Variants in BBS5 observed in about 807,000 individuals in gnomAD.
BBS5 encodes Bardet-Biedl syndrome 5.
Under a neutral mutation model 50.2 loss-of-function variants are expected in BBS5, and 39 were observed. That is an observed-to-expected ratio of 0.78 (90% CI 0.60 to 1.01). BBS5 has a LOEUF of 1.01. Ranked by LOEUF, BBS5 falls within the 50% of genes least tolerant of loss-of-function variation. BBS5 has a pLI of 0.00. For synonymous variants in BBS5, 134 were observed against 133.1 expected (o/e 1.01, Z -0.05); for missense variants, 356 against 401.5 (o/e 0.89, Z 0.97).
intron 5 of BBS5, among the ~76,000 whole-genome samples, chr2:169,489,597 C>T (rs921359180): frequency 2.0e-5 from 3 of 151,208 alleles, no homozygotes; most frequent in African/African-American, 7.3e-5. Context: ...TGAGCCACTT[C>T]ACCCAGGCTG....
intron 8 of BBS5, 80 bp from the exon 9 acceptor site, chr2:169,499,406 T>C: frequency 7.1e-7 from 1 of 1,401,982 alleles, no homozygotes; most frequent in Non-Finnish European, 9.9e-7. Flanking sequence ...TAAGGACAAA[T>C]TGAGCTATAA....
intron 7 of BBS5, among the ~76,000 whole-genome samples, chr2:169,495,154 C>G (rs945769062): frequency 6.6e-6 from 1 of 152,138 alleles, no homozygotes; most frequent in African/African-American, 2.4e-5. Flanking sequence ...ACATATTAAA[C>G]AGAAAGCCAT....
intron 5 of BBS5, among the ~76,000 whole-genome samples, chr2:169,491,232 T>C (rs1683596971): frequency 6.6e-6 from 1 of 152,222 alleles, no homozygotes; most frequent in Non-Finnish European, 1.5e-5. Context: ...TGAAAAGTTC[T>C]AAATGGAATA....
chr2:169,497,515 T>C (rs1683714032), intron 7 of BBS5, 112 bp from the exon 8 acceptor site: 1 of 680,554 alleles, frequency 1.5e-6, no homozygotes. Flanking sequence ...GGGAGAATTC[T>C]GTTCTTTAGA....
chr2:169,504,281 T>C (rs763537983), intron 10 of BBS5, 22 bp from the exon 11 acceptor site: 9 of 1,609,934 alleles, frequency 5.6e-6, no homozygotes, highest in Admixed American at 5.0e-5. Context: ...GTTTGTGAAA[T>C]AGAATTTTCT....
At chr2:169,481,624 T>TG (rs1491356178) in intron 1 of BBS5, among the ~76,000 whole-genome samples, 2 of 15,816 alleles carry the variant, frequency 1.3e-4, no homozygotes, top group Non-Finnish European at 5.6e-4. Context: ...TTTTGCTAGG[T>TG]TTTTTTTTTT....
At chr2:169,482,929 A>G (rs1037667814) in intron 2 of BBS5, among the ~76,000 whole-genome samples, 2 of 152,214 alleles carry the variant, frequency 1.3e-5, no homozygotes, top group Admixed American at 6.5e-5. Flanking sequence ...GGCTGCCCAT[A>G]GCAGCTATCT....
intron 2 of BBS5, among the ~76,000 whole-genome samples, chr2:169,485,926 T>G (rs1403588164): frequency 1.3e-5 from 2 of 152,242 alleles, no homozygotes; most frequent in Admixed American, 1.3e-4. Flanking sequence ...CATGAACTGC[T>G]GCTCCCTCTT....
At position 169,492,988 on chromosome 2, in the gene BBS5, T is replaced by C. The variant is rs75690869; in HGVS notation, c.501T>C (p.Val167=). Reference sequence around the variant, plus strand: ...ATGTATATGATAAAATAAATGGAGTTTGGAATTTATCCAGTGATCAGGTAT... The same window carrying C: ...ATGTATATGATAAAATAAATGGAGTCTGGAATTTATCCAGTGATCAGGTAT... ...QEHVYDKING[V]WNLSSDQGNL... Residue 167 remains valine (V), a synonymous_variant, in exon 6 of 12, where the codon GTT becomes GTC. Transcript: ENST00000295240. The C allele has an allele frequency of 1.2e-6, 2 of 1,613,582 alleles. No individual in the cohort carries two copies. Among genetic ancestry groups the C allele is most frequent in the Non-Finnish European group, 1.7e-6 (2 of 1,179,826 alleles).
chr2:169,483,044 G>A (rs1297339614), intron 2 of BBS5, among the ~76,000 whole-genome samples: 3 of 152,216 alleles, frequency 2.0e-5, no homozygotes, highest in Non-Finnish European at 2.9e-5. Flanking sequence ...TTTAGTGGGA[G>A]AAGAAGTTTA....
chr2:169,488,013 C>T lies in BBS5; in HGVS notation c.285C>T (p.Leu95=), dbSNP rs6752540. ...NSKLRGQTEA[L]YILTKCNSTR... ...AATTACGAGGCCAAACTGAAGCTCTCTATATACTAACAAAATGTAACAGTA... is the reference window on the plus strand; with the variant it reads ...AATTACGAGGCCAAACTGAAGCTCTTTATATACTAACAAAATGTAACAGTA... The change falls in exon 5 of 12, where the codon CTC becomes CTT. Residue 95 remains leucine (L), a synonymous_variant. Coordinates refer to ENST00000295240, the MANE Select transcript of BBS5 (RefSeq NM_152384.3). 2,732 of 1,613,752 alleles carry T rather than the reference C, an allele frequency of 1.7e-3. 58 individuals carry two copies. In the African/African-American group the frequency reaches 0.032, roughly 19 times the overall value.
At chr2:169,499,887 G>A (rs892626303) in intron 9 of BBS5, among the ~76,000 whole-genome samples, 4 of 152,156 alleles carry the variant, frequency 2.6e-5, no homozygotes, top group Non-Finnish European at 4.4e-5. Flanking sequence ...CATGTGCAGT[G>A]CTCCTCTGAT....
At chr2:169,498,739 G>A (rs989013770) in intron 8 of BBS5, among the ~76,000 whole-genome samples, 11 of 151,454 alleles carry the variant, frequency 7.3e-5, no homozygotes, top group African/African-American at 1.5e-4. Context: ...CCCGGGAGGC[G>A]GAGCTTGCAG....
rs2105306254 is a variant in BBS5 at position 169,506,587 on chromosome 2, A to G, written c.*2005A>G. ...TGTTTATTTTGTACTTAATACCTGT[A>G]AAGTCTTAGTTTTCAGACATTAAGT... On this transcript the variant is annotated 3_prime_UTR_variant, in exon 12 of 12. Coordinates refer to ENST00000295240, the MANE Select transcript of BBS5 (RefSeq NM_152384.3). The G allele has an allele frequency of 6.6e-6, 1 of 152,476 alleles. No individual in the cohort carries two copies. The highest frequency in any genetic ancestry group is 1.9e-4 in the East Asian group (1 of 5,212). The allele number at this position is 152,476 out of a possible 1,614,324, so 9.4% of individuals were successfully genotyped here.
intron 8 of BBS5, 147 bp from the exon 9 acceptor site, chr2:169,499,339 A>C (rs896718041): frequency 1.2e-6 from 1 of 858,570 alleles, no homozygotes; most frequent in African/African-American, 1.7e-5. Context: ...TGTGCTTGAA[A>C]TTTTTCATAA....
At chr2:169,497,546 G>C (rs1345259698) in intron 7 of BBS5, 81 bp from the exon 8 acceptor site, 7 of 868,456 alleles carry the variant, frequency 8.1e-6, no homozygotes, top group Non-Finnish European at 1.4e-5. Context: ...TAAATACTGT[G>C]TAAAGTTTAA....
intron 3 of BBS5, 61 bp downstream of exon 3, chr2:169,487,195 G>A: frequency 9.0e-7 from 1 of 1,110,088 alleles, no homozygotes; most frequent in Non-Finnish European, 1.4e-6. Flanking sequence ...GAATTTGCAT[G>A]GTGCCTTTGA....
rs766247239 is a variant in BBS5 at position 169,492,870 on chromosome 2, A to T, written c.387-4A>T. 1.2e-6 allele frequency: 2 copies of T among 1,610,404 alleles called. No homozygotes were observed. Among genetic ancestry groups the T allele is most frequent in the Non-Finnish European group, 8.5e-7 (1 of 1,178,064 alleles). On this transcript the variant is annotated splice_polypyrimidine_tract_variant and splice_region_variant and intron_variant, in intron 5 of 11. Transcript: ENST00000295240. ...AGTTGTCTTTTGTTTGTTCTTTTTCATAGAGCTTATGAAACTTCTAAAATG... is the reference window on the plus strand; with the variant it reads ...AGTTGTCTTTTGTTTGTTCTTTTTCTTAGAGCTTATGAAACTTCTAAAATG...
chr2:169,504,259 A>G (rs960422951), intron 10 of BBS5, 44 bp from the exon 11 acceptor site: 1 of 1,574,182 alleles, frequency 6.4e-7, no homozygotes, highest in Non-Finnish European at 8.7e-7. Context: ...CTATTCGAAT[A>G]TTATATGTCC....
Sources: allele counts gnomAD v4.1 joint callset (sites outside exome capture counted in the v4.1 genomes callset), GRCh38; gene constraint gnomAD v4.1.1; transcripts MANE v1.5; gene names NCBI Gene and HGNC (gene_info 2026-07-23, HGNC 2026-07-21).